The following PRKACB variants were observed in gnomAD, a reference collection of about 807,000 sequenced individuals.
The protein encoded by PRKACB is cAMP-dependent protein kinase catalytic subunit beta.
PRKACB carries 16 observed loss-of-function variants against 51.4 expected under a neutral mutation model. That is an observed-to-expected ratio of 0.31 (90% CI 0.21 to 0.47). The LOEUF (loss-of-function observed/expected upper bound fraction) is 0.47, where lower values mean the gene tolerates loss of function less well. Ranked by LOEUF, PRKACB falls within the 20% of genes least tolerant of loss-of-function variation. The pLI, the probability that PRKACB is intolerant of heterozygous loss-of-function variation, is 1.00. For synonymous variants in PRKACB, 147 were observed against 154.4 expected (o/e 0.95, Z 0.35); for missense variants, 309 against 464.5 (o/e 0.67, Z 3.08).
intron 1 of PRKACB, among the ~76,000 whole-genome samples, chr1:84,080,209 T>C (rs900111024): frequency 1.5e-4 from 23 of 152,184 alleles, no homozygotes; most frequent in African/African-American, 5.1e-4. Context: ...ATAATGATAA[T>C]AGACTCTTCT....
intron 1 of PRKACB, among the ~76,000 whole-genome samples, chr1:84,176,549 A>C (rs1661327671): frequency 6.6e-6 from 1 of 151,792 alleles, no homozygotes; most frequent in Non-Finnish European, 1.5e-5. Flanking sequence ...TTATCTTTGC[A>C]TCTACATAGT....
At chr1:84,216,621 A>G (rs767964618) in intron 9 of PRKACB, among the ~76,000 whole-genome samples, 6 of 152,294 alleles carry the variant, frequency 3.9e-5, no homozygotes, top group Middle Eastern at 3.4e-3. Flanking sequence ...AAATTTGCTA[A>G]CACCAATGCA....
intron 9 of PRKACB, among the ~76,000 whole-genome samples, chr1:84,220,204 A>AT (rs1012890677): frequency 2.0e-5 from 3 of 151,658 alleles, no homozygotes; most frequent in South Asian, 4.2e-4. Flanking sequence ...TATTTTATTT[A>AT]TTTTTTTGTA....
In PRKACB at chr1:84,119,721, G is replaced by A. The variant is rs373654654; in HGVS notation, c.46+41350G>A. Among the ~76,000 whole-genome samples the A allele has an allele frequency of 8.3e-4, 127 of 152,226 alleles. 3 individuals are homozygous for A. In the South Asian group the frequency reaches 0.014, roughly 17 times the overall value. ...GGGGAAAGGCAAGAAGGAAATTGAT[G>A]TGTTTATATGTACACACATACATAG... On this transcript the variant is annotated intron_variant, in intron 1 of 8. Coordinates refer to the PRKACB transcript ENST00000370688.
In PRKACB at chr1:84,236,218, T is replaced by C. The variant is rs180770222; in HGVS notation, c.*913T>C. On this transcript the variant is annotated 3_prime_UTR_variant, in exon 10 of 10. Transcript: ENST00000370685. ...ACAAATTTTAAATTTTCTCTAATAG[T>C]CCTCATCATAAACTTTTTAAAGGAA... 1 of 152,626 alleles carries C rather than the reference T, an allele frequency of 6.6e-6. No homozygotes were observed. The highest frequency in any genetic ancestry group is 6.5e-5 in the Admixed American group (1 of 15,280). 9.5% of individuals were successfully genotyped at this position (152,626 alleles called of 1,614,324 possible). A position where few individuals can be genotyped will look rare whatever the true frequency, so the allele number is the denominator to read the frequency against.
intron 1 of PRKACB, among the ~76,000 whole-genome samples, chr1:84,086,913 C>T (rs1454500451): frequency 2.0e-5 from 3 of 152,194 alleles, no homozygotes; most frequent in East Asian, 1.9e-4. Flanking sequence ...TGTTGGTCCT[C>T]TGAGCAGGGG....
At position 84,237,611 on chromosome 1, in the gene PRKACB, G is replaced by C. The variant is rs1202534882; in HGVS notation, c.*2306G>C. 6.6e-6 allele frequency: 1 copy of C among 152,042 alleles called. No individual in the cohort carries two copies. Among genetic ancestry groups the C allele is most frequent in the Non-Finnish European group, 1.5e-5 (1 of 67,954 alleles). 9.4% of individuals were successfully genotyped at this position (152,042 alleles called of 1,614,324 possible). A position where few individuals can be genotyped will look rare whatever the true frequency, so the allele number is the denominator to read the frequency against. On this transcript the variant is annotated 3_prime_UTR_variant, in exon 10 of 10. Coordinates refer to ENST00000370685, the MANE Select transcript of PRKACB (RefSeq NM_182948.4). Reference sequence around the variant, plus strand: ...AGGGAGTCAATTTCTGACCAATCAAGTACACTAAATTAGAATATTTTTAAA... The same window carrying C: ...AGGGAGTCAATTTCTGACCAATCAACTACACTAAATTAGAATATTTTTAAA...
At chr1:84,223,660 T>C (rs1336255345) in intron 9 of PRKACB, among the ~76,000 whole-genome samples, 1 of 152,228 alleles carries the variant, frequency 6.6e-6, no homozygotes, top group Admixed American at 6.5e-5. Context: ...TGAGCCACCA[T>C]GCCCGGCCTG....
At chr1:84,167,620 T>A (rs929986134) in intron 1 of PRKACB, among the ~76,000 whole-genome samples, 3 of 151,572 alleles carry the variant, frequency 2.0e-5, no homozygotes, top group African/African-American at 7.3e-5. Flanking sequence ...GGACAGTGCC[T>A]TATTCATTGT....
chr1:84,156,812 T>C (rs965456109), intron 1 of PRKACB, among the ~76,000 whole-genome samples: 1 of 152,232 alleles, frequency 6.6e-6, no homozygotes, highest in Non-Finnish European at 1.5e-5. Context: ...CTGATTTCAG[T>C]GACCTCTTAT....
chr1:84,127,341 T>G (rs1390432499), intron 1 of PRKACB, among the ~76,000 whole-genome samples: 1 of 152,174 alleles, frequency 6.6e-6, no homozygotes, highest in African/African-American at 2.4e-5. Context: ...CCCTGCTCCT[T>G]AAAATTACCT....
intron 9 of PRKACB, among the ~76,000 whole-genome samples, chr1:84,222,901 C>T (rs184474253): frequency 6.6e-6 from 1 of 152,228 alleles, no homozygotes; most frequent in African/African-American, 2.4e-5. Flanking sequence ...TGGAGGTTCC[C>T]TTATATGTGA....
intron 1 of PRKACB, among the ~76,000 whole-genome samples, chr1:84,093,356 G>T (rs544345944): frequency 3.3e-5 from 5 of 151,806 alleles, no homozygotes; most frequent in African/African-American, 1.2e-4. Context: ...GTATTTATTT[G>T]ACACATCACC....
chr1:84,169,714 T>A (rs983769765), intron 1 of PRKACB, among the ~76,000 whole-genome samples: 1 of 151,674 alleles, frequency 6.6e-6, no homozygotes, highest in African/African-American at 2.4e-5. Flanking sequence ...AAAATATGAT[T>A]CAGGAAAACT....
In PRKACB at chr1:84,202,805, GGTAA is replaced by G. The variant is rs1191575828; in HGVS notation, c.906+5_906+8del. On this transcript the variant is annotated splice_donor_variant and splice_donor_region_variant and intron_variant, in intron 8 of 9. Coordinates refer to ENST00000370685, the MANE Select transcript of PRKACB (RefSeq NM_182948.4). LOFTEE classifies it high-confidence loss of function. Reference sequence around the variant, plus strand: ...TTTATGAAAAGATTGTTTCTGGAAAGGTAAGTAAAACATTTTATTATTCCTCTCT... The same window carrying G: ...TTTATGAAAAGATTGTTTCTGGAAAGGTAAAACATTTTATTATTCCTCTCT... 1 of 1,599,738 alleles carries G rather than the reference GGTAA, an allele frequency of 6.3e-7. No individual in the cohort carries two copies. Among genetic ancestry groups the G allele is most frequent in the Admixed American group, 1.7e-5 (1 of 59,086 alleles).
chr1:84,210,252 T>C (rs1486181340), intron 8 of PRKACB, among the ~76,000 whole-genome samples: 1 of 152,078 alleles, frequency 6.6e-6, no homozygotes, highest in Non-Finnish European at 1.5e-5. Flanking sequence ...CAATAAATAA[T>C]ATTGAAGAAA....
intron 1 of PRKACB, among the ~76,000 whole-genome samples, chr1:84,100,179 A>G (rs186447478): frequency 3.2e-4 from 48 of 152,278 alleles, no homozygotes; most frequent in African/African-American, 1.2e-3. Flanking sequence ...GAGCACATGA[A>G]GGAAGAACTG....
At chr1:84,098,049 G>C (rs1173269143) in intron 1 of PRKACB, among the ~76,000 whole-genome samples, 1 of 151,962 alleles carries the variant, frequency 6.6e-6, no homozygotes, top group Non-Finnish European at 1.5e-5. Flanking sequence ...TGTATATCAG[G>C]ATATAATTAT....
rs181983619 is a variant in PRKACB at position 84,224,131 on chromosome 1, C to T, written c.1071+9814C>T. 3.1e-3 allele frequency among the ~76,000 whole-genome samples: 479 copies of T among 152,352 alleles called. 3 individuals are homozygous for T. The highest frequency in any genetic ancestry group is 0.01 in the Middle Eastern group (3 of 294). On this transcript the variant is annotated intron_variant, in intron 9 of 9. Transcript: ENST00000370685. ...GCGATTTCCTCAGTGGCTTAGGCCGCATTATTGGTGTAGCCTGTGGTGAGG... is the reference window on the plus strand; with the variant it reads ...GCGATTTCCTCAGTGGCTTAGGCCGTATTATTGGTGTAGCCTGTGGTGAGG...
Sources: gnomAD v4.1 joint callset for allele counts (sites outside exome capture counted in the v4.1 genomes callset) on GRCh38, gnomAD v4.1.1 for gene constraint, MANE v1.5 for transcripts, NCBI Gene and HGNC (gene_info 2026-07-23, HGNC 2026-07-21) for gene names.